Variants in SVEP1 observed in about 807,000 individuals in gnomAD.
The protein encoded by SVEP1 is sushi, von Willebrand factor type A, EGF and pentraxin domain containing 1, also known as sushi, von Willebrand factor type A, EGF and pentraxin domain-containing protein 1.
SVEP1 carries 164 observed loss-of-function variants against 367.3 expected under a neutral mutation model. The observed-to-expected ratio is 0.45, with a 90% CI of 0.39 to 0.51. SVEP1 has a LOEUF of 0.51. SVEP1 is among the 20% of genes least tolerant of loss of function. The pLI is 0.00. For synonymous variants in SVEP1, 1,666 were observed against 1,611.6 expected (o/e 1.03, Z -0.81); for missense variants, 4,117 against 4,425.3 (o/e 0.93, Z 1.98).
chr9:110,555,871 C>T (rs369523880), intron 1 of SVEP1, among the ~76,000 whole-genome samples: 13 of 152,210 alleles, frequency 8.5e-5, no homozygotes, highest in African/African-American at 2.6e-4. Flanking sequence ...TCAATCAAAA[C>T]GTTTTTATAC....
chr9:110,451,410 G>A lies in SVEP1; in HGVS notation c.3788-8C>T. On this transcript the variant is annotated splice_region_variant and splice_polypyrimidine_tract_variant and intron_variant, in intron 22 of 47. Coordinates refer to ENST00000374469, the MANE Select transcript of SVEP1 (RefSeq NM_153366.4). ...TTTCTTCACACCGCTGACCTGCAAA[G>A]AATCATTCATCTTTGAGCTGGAGAA... 6.2e-7 allele frequency: 1 copy of A among 1,606,582 alleles called. No individual in the cohort carries two copies.
intron 36 of SVEP1, among the ~76,000 whole-genome samples, chr9:110,427,153 C>A (rs950283995): frequency 1.3e-5 from 2 of 151,420 alleles, no homozygotes; most frequent in East Asian, 3.9e-4. Flanking sequence ...CAAAAAGTAG[C>A]CGGGTGTGGT....
rs371976414 is a variant in SVEP1, at chr9:110,577,430, C to T, written c.531+1583G>A. Among the ~76,000 whole-genome samples the T allele has an allele frequency of 1.3e-3, 205 of 152,196 alleles. 2 individuals are homozygous for T. Among genetic ancestry groups the T allele is most frequent in the Middle Eastern group, 3.4e-3 (1 of 294 alleles). On this transcript the variant is annotated intron_variant, in intron 1 of 47. Transcript: ENST00000374469. ...AAGTAGTGCTGGGACAACTGGTTAA[C>T]TATTTATTTTTTAAAATCAAGTTAG...
At chr9:110,476,730 C>G (rs919983848) in intron 13 of SVEP1, among the ~76,000 whole-genome samples, 8 of 152,150 alleles carry the variant, frequency 5.3e-5, no homozygotes, top group Non-Finnish European at 1.0e-4. Flanking sequence ...TCTTTATGTT[C>G]TCTTCACCTT....
At chr9:110,511,463 C>T (rs1222475847) in intron 5 of SVEP1, among the ~76,000 whole-genome samples, 1 of 102,168 alleles carries the variant, frequency 9.8e-6, no homozygotes, top group African/African-American at 3.8e-5. Flanking sequence ...TGACTTCTAA[C>T]TAGGTCCATT....
chr9:110,456,767 T>C (rs1371724190), intron 21 of SVEP1, among the ~76,000 whole-genome samples: 3 of 152,226 alleles, frequency 2.0e-5, no homozygotes, highest in African/African-American at 4.8e-5. Flanking sequence ...CCATAATTCA[T>C]ACGTAATTCC....
At chr9:110,412,485 C>A in intron 36 of SVEP1, among the ~76,000 whole-genome samples, 1 of 152,024 alleles carries the variant, frequency 6.6e-6, no homozygotes, top group Non-Finnish European at 1.5e-5. Flanking sequence ...TAGGCATGGG[C>A]AAGGACTTCA....
At chr9:110,462,400 G>A (rs1190884462) in intron 18 of SVEP1, among the ~76,000 whole-genome samples, 2 of 151,760 alleles carry the variant, frequency 1.3e-5, no homozygotes, top group African/African-American at 2.4e-5. Flanking sequence ...GCAGACAGTT[G>A]TCTTCAGAAA....
chr9:110,498,757 C>A (rs1179993756), intron 7 of SVEP1, among the ~76,000 whole-genome samples: 1 of 152,044 alleles, frequency 6.6e-6, no homozygotes, highest in African/African-American at 2.4e-5. Context: ...TTATATAGAC[C>A]AAGACTTCCC....
chr9:110,451,477 G>T, intron 22 of SVEP1, 75 bp from the exon 23 acceptor site: 3 of 1,043,244 alleles, frequency 2.9e-6, no homozygotes, highest in Non-Finnish European at 4.3e-6. Flanking sequence ...CAAGCAAGTT[G>T]TTCAGGCATT....
At chr9:110,368,000 C>T (rs1395382271) in intron 47 of SVEP1, among the ~76,000 whole-genome samples, 1 of 152,158 alleles carries the variant, frequency 6.6e-6, no homozygotes, top group Admixed American at 6.5e-5. Context: ...ATCGCTTGAA[C>T]CCATGAGGTG....
At chr9:110,455,483 A>C (rs551727265) in intron 22 of SVEP1, 107 bp downstream of exon 22, 2 of 781,258 alleles carry the variant, frequency 2.6e-6, no homozygotes, top group African/African-American at 3.5e-5. Context: ...CAATATGTTT[A>C]TAATATTCTA....
intron 33 of SVEP1, 115 bp downstream of exon 33, chr9:110,430,159 T>A: frequency 8.4e-7 from 1 of 1,192,094 alleles, no homozygotes; most frequent in Non-Finnish European, 1.2e-6. Context: ...AACATGAGCC[T>A]AATACCTCAG....
intron 5 of SVEP1, among the ~76,000 whole-genome samples, chr9:110,508,690 G>A (rs527815881): frequency 7.6e-5 from 11 of 145,192 alleles, no homozygotes; most frequent in African/African-American, 2.6e-4. Flanking sequence ...GAACCCAGGA[G>A]ACGGAGCTTG....
intron 17 of SVEP1, 62 bp from the exon 18 acceptor site, chr9:110,466,088 G>A (rs1267419651): frequency 3.3e-6 from 5 of 1,504,414 alleles, no homozygotes; most frequent in East Asian, 4.7e-5. Flanking sequence ...AATTAGTACT[G>A]TGCGGGATAG....
chr9:110,483,715 AAAG>A, intron 9 of SVEP1, 22 bp from the exon 10 acceptor site: 2 of 1,546,062 alleles, frequency 1.3e-6, no homozygotes, highest in East Asian at 4.7e-5. Flanking sequence ...GAAATCAGAC[AAAG>A]AAGTCACAGC....
chr9:110,373,290 T>TGATTTATTTGC, intron 46 of SVEP1, among the ~76,000 whole-genome samples: 1 of 152,308 alleles, frequency 6.6e-6, no homozygotes, highest in South Asian at 2.1e-4. Context: ...CTCCAGGACA[T>TGATTTATTTGC]ATTTCCTTCT....
chr9:110,565,665 C>T (rs148217147), intron 1 of SVEP1, among the ~76,000 whole-genome samples: 10 of 152,242 alleles, frequency 6.6e-5, no homozygotes, highest in South Asian at 2.1e-4. Context: ...TATCAGGCAA[C>T]TTAGAGAGTG....
chr9:110,482,215 C>A, intron 11 of SVEP1, 146 bp downstream of exon 11: 1 of 826,044 alleles, frequency 1.2e-6, no homozygotes, highest in Non-Finnish European at 1.7e-6. Flanking sequence ...CAAGGAATGA[C>A]AATGGAAAAC....
Sources: gnomAD v4.1 joint callset for allele counts (sites outside exome capture counted in the v4.1 genomes callset) on GRCh38, gnomAD v4.1.1 for gene constraint, MANE v1.5 for transcripts, NCBI Gene and HGNC (gene_info 2026-07-23, HGNC 2026-07-21) for gene names.